The following LHFPL2 variants were observed in gnomAD, a reference collection of about 807,000 sequenced individuals.
The protein encoded by LHFPL2 is LHFPL tetraspan subfamily member 2, also known as LHFPL tetraspan subfamily member 2 protein.
A neutral mutation model predicts 17.5 loss-of-function variants in LHFPL2; 7 were observed. The ratio of observed to expected loss-of-function variants is 0.40; its 90% CI spans 0.23 to 0.75. The LOEUF is 0.75. LHFPL2 is among the 30% of genes least tolerant of loss of function. LHFPL2 has a pLI of 0.37. For missense variants in LHFPL2, 241 were observed against 294.8 expected, an observed-to-expected ratio of 0.82 and a Z score of 1.34; for synonymous variants, 134 against 116.2, an observed-to-expected ratio of 1.15 and a Z score of -0.99.
chr5:78,637,266 C>A (rs1309271747), intron 1 of LHFPL2, among the ~76,000 whole-genome samples: 1 of 152,002 alleles, frequency 6.6e-6, no homozygotes, highest in African/African-American at 2.4e-5. Context: ...AATCGCATAA[C>A]CTTGAAGTTA....
At chr5:78,527,546 C>A (rs911843616) in intron 3 of LHFPL2, among the ~76,000 whole-genome samples, 35 of 151,928 alleles carry the variant, frequency 2.3e-4, no homozygotes, top group Non-Finnish European at 8.8e-5. Flanking sequence ...AGCCTCCCAT[C>A]TCGTTATTTC....
intron 4 of LHFPL2, among the ~76,000 whole-genome samples, chr5:78,508,564 T>C (rs1237250397): frequency 6.6e-6 from 1 of 152,168 alleles, no homozygotes; most frequent in Non-Finnish European, 1.5e-5. Flanking sequence ...TTATCGGCTG[T>C]TTGGGAAAAA....
At chr5:78,646,836 T>C (rs1463409170) in intron 1 of LHFPL2, among the ~76,000 whole-genome samples, 2 of 152,190 alleles carry the variant, frequency 1.3e-5, no homozygotes, top group African/African-American at 4.8e-5. Context: ...TTCCTTCCTA[T>C]AGACAAATGA....
At chr5:78,500,878 G>T (rs1754752508) in intron 4 of LHFPL2, among the ~76,000 whole-genome samples, 1 of 152,124 alleles carries the variant, frequency 6.6e-6, no homozygotes, top group Non-Finnish European at 1.5e-5. Context: ...GTCTAGGAGG[G>T]CCGGGTCTAT....
At position 78,488,756 on chromosome 5, in the gene LHFPL2, CTCATTGGTCCTGTTT is replaced by C; in HGVS notation, c.*126_*140del. On this transcript the variant is annotated 3_prime_UTR_variant, in exon 5 of 5. Coordinates refer to ENST00000380345, the MANE Select transcript of LHFPL2 (RefSeq NM_005779.3). ...AACTTTGCGTAGCTGGATGTGGCCT[CTCATTGGTCCTGTTT>C]AAGCCTCGGGCCGTGGAACGTGGCT... 2.3e-6 allele frequency: 2 copies of C among 866,600 alleles called. No individual in the cohort carries two copies. The highest frequency in any genetic ancestry group is 3.6e-6 in the Non-Finnish European group (2 of 552,072). The allele number at this position is 866,600 out of a possible 1,614,324, so 53.7% of individuals were successfully genotyped here.
chr5:78,557,247 G>C (rs1012158716), intron 3 of LHFPL2, among the ~76,000 whole-genome samples: 1 of 152,160 alleles, frequency 6.6e-6, no homozygotes, highest in African/African-American at 2.4e-5. Flanking sequence ...ATAGCTTCTA[G>C]GGGTTTGCCC....
chr5:78,501,038 CAT>C (rs952117559), intron 4 of LHFPL2, among the ~76,000 whole-genome samples: 2 of 152,174 alleles, frequency 1.3e-5, no homozygotes, highest in Non-Finnish European at 2.9e-5. Flanking sequence ...TAGTGGGTTC[CAT>C]TCTGAACACT....
chr5:78,561,962 A>C lies in LHFPL2; in HGVS notation c.-186+2851T>G, dbSNP rs549516842. Among the ~76,000 whole-genome samples the C allele has an allele frequency of 1.4e-4, 21 of 152,298 alleles. 1 individual carries two copies. In the South Asian group the frequency reaches 3.7e-3, roughly 27 times the overall value. On this transcript the variant is annotated intron_variant, in intron 3 of 4. Coordinates refer to ENST00000380345, the MANE Select transcript of LHFPL2 (RefSeq NM_005779.3). ...AAAGCCTTCTCACAATTCTCATGGAATAGACAGGCAAAACTGAGCAGGTAT... is the reference window on the plus strand; with the variant it reads ...AAAGCCTTCTCACAATTCTCATGGACTAGACAGGCAAAACTGAGCAGGTAT...
chr5:78,552,331 CACCGTGTTA>C (rs1308871197), intron 3 of LHFPL2, among the ~76,000 whole-genome samples: 2 of 152,122 alleles, frequency 1.3e-5, no homozygotes, highest in African/African-American at 4.8e-5. Context: ...GACAGGGTTT[CACCGTGTTA>C]ACCAGGATGG....
In LHFPL2 at chr5:78,564,555, T is replaced by C. The variant is rs189039526; in HGVS notation, c.-186+258A>G. ...AGCTCTGAAACTTGGGTATGAATGGTGACAAACAAAGCATGTCAGAATTGA... is the reference window on the plus strand; with the variant it reads ...AGCTCTGAAACTTGGGTATGAATGGCGACAAACAAAGCATGTCAGAATTGA... On this transcript the variant is annotated intron_variant, in intron 3 of 4. Coordinates refer to ENST00000380345, the MANE Select transcript of LHFPL2 (RefSeq NM_005779.3). 4.1e-4 allele frequency among the ~76,000 whole-genome samples: 62 copies of C among 152,268 alleles called. 1 individual carries two copies. The highest frequency in any genetic ancestry group is 1.4e-3 in the African/African-American group (59 of 41,566).
Position 78,554,063 on chromosome 5 carries a change from C to T in LHFPL2, c.-186+10750G>A, listed in dbSNP as rs191347891. Among the ~76,000 whole-genome samples the T allele has an allele frequency of 3.0e-4, 46 of 152,344 alleles. 2 individuals carry two copies. The East Asian group carries it at 7.9e-3, about 26-fold the overall frequency. On this transcript the variant is annotated intron_variant, in intron 3 of 4. Transcript: ENST00000380345. Reference sequence around the variant, plus strand: ...TACATTTACTCCAGCATTGATCAGGCGCTGATCTATTTTAAGTACATTCCA... The same window carrying T: ...TACATTTACTCCAGCATTGATCAGGTGCTGATCTATTTTAAGTACATTCCA...
intron 1 of LHFPL2, among the ~76,000 whole-genome samples, chr5:78,635,317 C>T (rs1401124713): frequency 6.6e-6 from 1 of 152,216 alleles, no homozygotes; most frequent in African/African-American, 2.4e-5. Context: ...GGCATGCAAT[C>T]TCAGGAGAGT....
intron 3 of LHFPL2, 87 bp from the exon 4 acceptor site, chr5:78,510,485 T>C (rs1755082943): frequency 2.3e-6 from 1 of 444,310 alleles, no homozygotes; most frequent in African/African-American, 2.0e-5. Flanking sequence ...GTCCGGCCCG[T>C]GCCCGCAGAA....
intron 2 of LHFPL2, among the ~76,000 whole-genome samples, chr5:78,629,534 G>C (rs1745170544): frequency 6.6e-6 from 1 of 152,210 alleles, no homozygotes; most frequent in African/African-American, 2.4e-5. Context: ...CTGTTTCAGA[G>C]ACTTTGCTTC....
chr5:78,548,323 G>A (rs1170760693), intron 3 of LHFPL2, among the ~76,000 whole-genome samples: 2 of 152,210 alleles, frequency 1.3e-5, no homozygotes, highest in African/African-American at 4.8e-5. Flanking sequence ...CAAGGAGCTG[G>A]TGCTGGCCCA....
chr5:78,573,434 C>T (rs1757053388), intron 2 of LHFPL2, among the ~76,000 whole-genome samples: 1 of 152,176 alleles, frequency 6.6e-6, no homozygotes, highest in Non-Finnish European at 1.5e-5. Flanking sequence ...AATAACCACC[C>T]CAAGTGAATG....
chr5:78,637,119 C>G (rs980976861), intron 1 of LHFPL2, among the ~76,000 whole-genome samples: 25 of 152,030 alleles, frequency 1.6e-4, no homozygotes, highest in African/African-American at 5.8e-4. Context: ...TTCCCAGGAC[C>G]CACTCCAGAC....
intron 1 of LHFPL2, among the ~76,000 whole-genome samples, chr5:78,635,988 TCACACACACAGACACA>T (rs1319551368): frequency 8.2e-6 from 1 of 122,186 alleles, no homozygotes; most frequent in Non-Finnish European, 1.7e-5. Context: ...AAAGTTCCCA[TCACACACACAGACACA>T]CACACACACA....
At chr5:78,559,498 T>C (rs926701203) in intron 3 of LHFPL2, among the ~76,000 whole-genome samples, 1 of 152,220 alleles carries the variant, frequency 6.6e-6, no homozygotes, top group Non-Finnish European at 1.5e-5. Flanking sequence ...ATACGACTAG[T>C]TAGAAGTCTC....
Sources: gnomAD v4.1 joint callset for allele counts (sites outside exome capture counted in the v4.1 genomes callset) on GRCh38, gnomAD v4.1.1 for gene constraint, MANE v1.5 for transcripts, NCBI Gene and HGNC (gene_info 2026-07-23, HGNC 2026-07-21) for gene names.